The following CHD9 variants were observed in gnomAD, a reference collection of about 807,000 sequenced individuals.
CHD9 encodes chromodomain helicase DNA binding protein 9, also known as ATP-dependent chromatin remodeler CHD9.
CHD9 carries 77 observed loss-of-function variants against 316.1 expected under a neutral mutation model. The observed-to-expected ratio is 0.24, with a 90% confidence interval of 0.20 to 0.29. CHD9 has a LOEUF of 0.29. Among genes scored for constraint, CHD9 ranks in the 10% least tolerant of loss-of-function variants. CHD9 has a pLI of 1.00. For missense variants in CHD9, 2,763 were observed against 3,438.1 expected, an observed-to-expected ratio of 0.80 and a Z score of 4.91; for synonymous variants, 1,129 against 1,158.3, an observed-to-expected ratio of 0.97 and a Z score of 0.51.
At position 53,314,529 on chromosome 16, in the gene CHD9, G is replaced by A. The variant is rs1484650453; in HGVS notation, c.7362+13G>A. On this transcript the variant is annotated intron_variant, in intron 35 of 38. Coordinates refer to ENST00000447540, the MANE Select transcript of CHD9 (RefSeq NM_001308319.2). ...ACCACCTAATCATGTAAGTAAAGCA[G>A]TACTTAAAAACTGATCCTTGAATTC... 1.9e-6 allele frequency: 3 copies of A among 1,539,248 alleles called. No individual in the cohort carries two copies. The highest frequency in any genetic ancestry group is 4.2e-5 in the Admixed American group (2 of 47,504).
intron 2 of CHD9, among the ~76,000 whole-genome samples, chr16:53,166,431 A>G (rs2042273021): frequency 6.6e-6 from 1 of 152,168 alleles, no homozygotes; most frequent in African/African-American, 2.4e-5. Flanking sequence ...AAACTTCAAA[A>G]TAGGTCTCAG....
intron 1 of CHD9, among the ~76,000 whole-genome samples, chr16:53,071,626 C>G (rs1161735143): frequency 6.6e-6 from 1 of 152,204 alleles, no homozygotes; most frequent in Non-Finnish European, 1.5e-5. Flanking sequence ...TTTAAAGCCT[C>G]AGGCTAGAAG....
intron 2 of CHD9, among the ~76,000 whole-genome samples, chr16:53,192,186 A>G (rs12596712): frequency 0.31 from 47,270 of 151,964 alleles, 7,511 homozygotes; most frequent in Middle Eastern, 0.39. Flanking sequence ...AAGGAGAGTT[A>G]AAGTAGGAGT....
At chr16:53,311,833 G>A (rs371452007) in intron 34 of CHD9, 1 of 152,288 alleles carries the variant, frequency 6.6e-6, no homozygotes. Context: ...TATAAAATGA[G>A]CTTAATAATC....
chr16:53,118,398 T>G (rs1278912726), intron 1 of CHD9, among the ~76,000 whole-genome samples: 1 of 152,134 alleles, frequency 6.6e-6, no homozygotes, highest in Non-Finnish European at 1.5e-5. Context: ...GCCTGAGCAG[T>G]AGAGCAAGAA....
At position 53,137,919 on chromosome 16, in the gene CHD9, TAATC is replaced by T. The variant is rs558039864; in HGVS notation, c.-164-18004_-164-18001del. Among the ~76,000 whole-genome samples, 23 of 152,288 alleles carry T rather than the reference TAATC, an allele frequency of 1.5e-4. No individual in the cohort carries two copies. The East Asian group carries it at 2.7e-3, about 18-fold the overall frequency. Reference sequence around the variant, plus strand: ...AATGATGAAATATACATCTAAACCTTAATCAAAGAAATTTTATTGAATGATAGAG... The same window carrying T: ...AATGATGAAATATACATCTAAACCTTAAAGAAATTTTATTGAATGATAGAG... On this transcript the variant is annotated intron_variant, in intron 1 of 38. Transcript: ENST00000447540.
In CHD9 at chr16:53,307,833, C is replaced by T. The variant is rs2056120576; in HGVS notation, c.6933C>T (p.Ser2311=). Residue 2311 remains serine, a synonymous_variant, in exon 33 of 39, where the codon AGC becomes AGT. Coordinates refer to ENST00000447540, the MANE Select transcript of CHD9 (RefSeq NM_001308319.2). ...LDSPGAATEY[S]DPSVPTPPGA... Reference sequence around the variant, plus strand: ...GCCCTGGAGCAGCTACAGAATACAGCGATCCCAGTGTACCCACTCCCCCAG... The same window carrying T: ...GCCCTGGAGCAGCTACAGAATACAGTGATCCCAGTGTACCCACTCCCCCAG... 2.5e-6 allele frequency: 4 copies of T among 1,613,568 alleles called. No individual in the cohort carries two copies. The highest frequency in any genetic ancestry group is 3.4e-6 in the Non-Finnish European group (4 of 1,179,798).
intron 1 of CHD9, among the ~76,000 whole-genome samples, chr16:53,146,761 T>A (rs1219288999): frequency 6.7e-6 from 1 of 150,154 alleles, no homozygotes; most frequent in African/African-American, 2.5e-5. Context: ...ATCGTACCAC[T>A]GCACTCTAGC....
At chr16:53,071,732 G>A (rs2152516584) in intron 1 of CHD9, among the ~76,000 whole-genome samples, 1 of 152,298 alleles carries the variant, frequency 6.6e-6, no homozygotes, top group Middle Eastern at 3.4e-3. Flanking sequence ...CCTCGGTCCT[G>A]CTCACCCTGC....
Position 53,304,096 on chromosome 16 carries a change from T to A in CHD9, c.6090T>A (p.Ser2030=). Residue 2030 remains serine (S), a synonymous_variant, in exon 31 of 39, where the codon TCT becomes TCA. Coordinates refer to ENST00000447540, the MANE Select transcript of CHD9 (RefSeq NM_001308319.2). ...CACTTTCTGCTTCTCCTCTTACCTC[T>A]CTACCTAGGCTCCTAGATGCTAAAG... ...QVALSASPLT[S]LPRLLDAKGI... 1 of 1,613,952 alleles carries A rather than the reference T, an allele frequency of 6.2e-7. No individual in the cohort carries two copies. The highest frequency in any genetic ancestry group is 8.5e-7 in the Non-Finnish European group (1 of 1,179,866).
intron 1 of CHD9, among the ~76,000 whole-genome samples, chr16:53,070,129 TG>T (rs1359516331): frequency 1.3e-5 from 2 of 152,202 alleles, no homozygotes; most frequent in Non-Finnish European, 2.9e-5. Flanking sequence ...GTTGTTGAGT[TG>T]TGGGGTTCTT....
intron 19 of CHD9, 46 bp downstream of exon 19, chr16:53,255,825 C>A (rs376016596): frequency 6.5e-7 from 1 of 1,529,788 alleles, no homozygotes; most frequent in Non-Finnish European, 9.0e-7. Flanking sequence ...ATGTTCACAT[C>A]CTAACTACTG....
At chr16:53,144,619 C>G (rs2040412670) in intron 1 of CHD9, among the ~76,000 whole-genome samples, 1 of 151,724 alleles carries the variant, frequency 6.6e-6, no homozygotes, top group African/African-American at 2.4e-5. Context: ...ACCTCTGCCT[C>G]CCGGGTTCAA....
At chr16:53,192,195 G>C (rs1224751984) in intron 2 of CHD9, among the ~76,000 whole-genome samples, 2 of 152,148 alleles carry the variant, frequency 1.3e-5, no homozygotes, top group Non-Finnish European at 2.9e-5. Context: ...TAAAGTAGGA[G>C]TTTGAAGATC....
rs186361063 is a variant in CHD9 at position 53,164,288 on chromosome 16, A to G, written c.1452+6747A>G. Among the ~76,000 whole-genome samples, 23 of 152,312 alleles carry G rather than the reference A, an allele frequency of 1.5e-4. 1 individual carries two copies. The East Asian group carries it at 4.2e-3, about 28-fold the overall frequency. On this transcript the variant is annotated intron_variant, in intron 2 of 38. Transcript: ENST00000447540. Reference sequence around the variant, plus strand: ...AAAAGAAAACAAACAAAAAAGCTCAACTAGGCCAGGCATGGTGGCTCACAT... The same window carrying G: ...AAAAGAAAACAAACAAAAAAGCTCAGCTAGGCCAGGCATGGTGGCTCACAT...
intron 20 of CHD9, among the ~76,000 whole-genome samples, 152 bp downstream of exon 20, chr16:53,263,249 T>A (rs2051317705): frequency 6.6e-6 from 1 of 152,158 alleles, no homozygotes; most frequent in Non-Finnish European, 1.5e-5. Context: ...TGAGTGAGGT[T>A]CTCCTCCAAT....
chr16:53,248,685 C>A (rs1470474690), intron 16 of CHD9, among the ~76,000 whole-genome samples: 1 of 151,116 alleles, frequency 6.6e-6, no homozygotes, highest in Non-Finnish European at 1.5e-5. Context: ...ACTACCACAC[C>A]CAGCTAATTT....
chr16:53,131,016 C>T (rs2039231238), intron 1 of CHD9: 1 of 152,980 alleles, frequency 6.5e-6, no homozygotes, highest in Non-Finnish European at 1.5e-5. Context: ...CCCTCCACTC[C>T]CTCCCTGCCC....
At chr16:53,319,748 T>G in intron 37 of CHD9, 38 of 866,022 alleles carry the variant, frequency 4.4e-5, no homozygotes, top group Non-Finnish European at 5.5e-5. Context: ...TGTAACTTCA[T>G]GAGAGGTTTG....
Sources: gnomAD v4.1 joint callset for allele counts (sites outside exome capture counted in the v4.1 genomes callset) on GRCh38, gnomAD v4.1.1 for gene constraint, MANE v1.5 for transcripts, NCBI Gene and HGNC (gene_info 2026-07-23, HGNC 2026-07-21) for gene names.